Variants in CA10 observed in about 807,000 individuals in gnomAD.
CA10 encodes carbonic anhydrase 10 (inactive).
In CA10, 14 loss-of-function variants were observed where a neutral mutation model predicts 44.2. The ratio of observed to expected loss-of-function variants is 0.32; its 90% CI spans 0.21 to 0.50. The LOEUF (loss-of-function observed/expected upper bound fraction) is 0.50, where lower values mean the gene tolerates loss of function less well. Among genes scored for constraint, CA10 ranks in the 20% least tolerant of loss-of-function variants. The pLI is 0.99. For missense variants in CA10, 350 were observed against 409.7 expected (o/e 0.85, Z 1.26); for synonymous variants, 159 against 141.6 (o/e 1.12, Z -0.87).
chr17:52,156,551 C>A (rs1280651046), intron 1 of CA10, among the ~76,000 whole-genome samples: 2 of 152,124 alleles, frequency 1.3e-5, no homozygotes, highest in Non-Finnish European at 2.9e-5. Flanking sequence ...AGGGTGAGGG[C>A]AGAACTAGGG....
At chr17:52,079,062 G>A (rs1567725955) in intron 1 of CA10, among the ~76,000 whole-genome samples, 2 of 152,246 alleles carry the variant, frequency 1.3e-5, no homozygotes, top group Non-Finnish European at 2.9e-5. Flanking sequence ...CGGGGCACGC[G>A]GATCACGAGG....
chr17:51,930,893 A>C, intron 3 of CA10, 97 bp downstream of exon 3: 1 of 1,417,948 alleles, frequency 7.1e-7, no homozygotes, highest in Non-Finnish European at 9.7e-7. Context: ...AGGTGGGAGG[A>C]CAAACTCATC....
chr17:51,876,695 T>C (rs1014995265), intron 3 of CA10, among the ~76,000 whole-genome samples: 2 of 152,068 alleles, frequency 1.3e-5, no homozygotes, highest in African/African-American at 4.8e-5. Flanking sequence ...CAGTGAAGAC[T>C]TCAGTGAAGA....
intron 3 of CA10, among the ~76,000 whole-genome samples, chr17:51,804,758 C>T (rs1440851953): frequency 1.3e-5 from 2 of 152,136 alleles, no homozygotes; most frequent in African/African-American, 2.4e-5. Context: ...TAATTAAATA[C>T]GTATGTGATG....
chr17:51,850,310 G>C (rs1036192554), intron 3 of CA10, among the ~76,000 whole-genome samples: 1 of 152,206 alleles, frequency 6.6e-6, no homozygotes, highest in African/African-American at 2.4e-5. Flanking sequence ...CGGAGATCCA[G>C]TTTACTGCTT....
intron 3 of CA10, among the ~76,000 whole-genome samples, chr17:51,811,855 T>C (rs7207931): frequency 0.075 from 11,405 of 152,080 alleles, 1,071 homozygotes; most frequent in African/African-American, 0.23. Context: ...AGATAAGATT[T>C]ACTAGGATAT....
At chr17:52,137,470 C>T (rs556603163) in intron 1 of CA10, among the ~76,000 whole-genome samples, 16 of 152,314 alleles carry the variant, frequency 1.1e-4, no homozygotes, top group African/African-American at 3.6e-4. Context: ...GACATCCTAA[C>T]TCCCATTGTT....
rs146522003 is a variant in CA10, at chr17:52,108,988, T to C, written c.62-36595A>G. Among the ~76,000 whole-genome samples, 297 of 152,250 alleles carry C rather than the reference T, an allele frequency of 2.0e-3. 1 individual carries two copies. The highest frequency in any genetic ancestry group is 6.6e-3 in the African/African-American group (273 of 41,568). On this transcript the variant is annotated intron_variant, in intron 1 of 8. Transcript: ENST00000451037. ...AGGATCTGTATATTAAATTACAAAT[T>C]GCTGATGAAAGAAATCAAAGAGACC...
intron 2 of CA10, among the ~76,000 whole-genome samples, chr17:51,980,948 G>A (rs1428213091): frequency 6.6e-6 from 1 of 151,986 alleles, no homozygotes; most frequent in Non-Finnish European, 1.5e-5. Flanking sequence ...TAGCCATCAG[G>A]GAAAATGCAC....
chr17:51,989,970 A>T (rs1367745544), intron 2 of CA10, among the ~76,000 whole-genome samples: 1 of 152,168 alleles, frequency 6.6e-6, no homozygotes, highest in Non-Finnish European at 1.5e-5. Flanking sequence ...CTAATAGATT[A>T]TGTAACTTGC....
At chr17:52,144,872 T>A (rs547425756) in intron 1 of CA10, among the ~76,000 whole-genome samples, 7 of 152,324 alleles carry the variant, frequency 4.6e-5, no homozygotes, top group Non-Finnish European at 1.0e-4. Flanking sequence ...CCATTTTTTT[T>A]ATTTCAAGCC....
At chr17:51,867,704 G>A (rs1037373852) in intron 3 of CA10, among the ~76,000 whole-genome samples, 26 of 152,298 alleles carry the variant, frequency 1.7e-4, no homozygotes, top group African/African-American at 6.0e-4. Flanking sequence ...GTGATCTACT[G>A]AAGCTAAGTC....
chr17:52,001,621 A>AT (rs1275842095), intron 2 of CA10, among the ~76,000 whole-genome samples: 1 of 151,852 alleles, frequency 6.6e-6, no homozygotes, highest in Non-Finnish European at 1.5e-5. Flanking sequence ...ATCTCTTACC[A>AT]TTTTTAGGAG....
At chr17:51,766,033 G>T (rs1905368951) in intron 3 of CA10, among the ~76,000 whole-genome samples, 1 of 152,076 alleles carries the variant, frequency 6.6e-6, no homozygotes, top group Admixed American at 6.6e-5. Context: ...GCAGCAAAAG[G>T]GTTCAGGAAT....
intron 2 of CA10, among the ~76,000 whole-genome samples, chr17:52,002,466 A>G (rs960236091): frequency 7.2e-5 from 11 of 152,052 alleles, no homozygotes; most frequent in African/African-American, 2.6e-4. Flanking sequence ...CGAACAGAGA[A>G]TGTAGAGGAG....
At chr17:51,675,252 C>T (rs920211352) in intron 4 of CA10, among the ~76,000 whole-genome samples, 8 of 152,102 alleles carry the variant, frequency 5.3e-5, no homozygotes, top group South Asian at 4.2e-4. Context: ...GAATGGGATC[C>T]GTGCCCTTTA....
intron 1 of CA10, among the ~76,000 whole-genome samples, chr17:52,090,342 C>A (rs773194475): frequency 6.6e-6 from 1 of 152,018 alleles, no homozygotes; most frequent in Non-Finnish European, 1.5e-5. Flanking sequence ...TTTAAAAAGA[C>A]TTACTTGCAG....
intron 2 of CA10, among the ~76,000 whole-genome samples, chr17:52,029,666 T>C (rs907697733): frequency 6.6e-6 from 1 of 152,190 alleles, no homozygotes; most frequent in Non-Finnish European, 1.5e-5. Context: ...TCAGGATGTT[T>C]GGCCAATAGT....
intron 3 of CA10, among the ~76,000 whole-genome samples, chr17:51,853,473 T>C (rs374416371): frequency 1.3e-5 from 2 of 152,234 alleles, no homozygotes; most frequent in African/African-American, 4.8e-5. Flanking sequence ...AGATATGGCC[T>C]GCCCATATTG....
Sources: allele counts gnomAD v4.1 joint callset (sites outside exome capture counted in the v4.1 genomes callset), GRCh38; gene constraint gnomAD v4.1.1; transcripts MANE v1.5; gene names NCBI Gene and HGNC (gene_info 2026-07-23, HGNC 2026-07-21).